Variants in TYRP1 observed in about 807,000 individuals in gnomAD.
The protein encoded by TYRP1 is 5,6-dihydroxyindole-2-carboxylic acid oxidase.
In TYRP1, 49 loss-of-function variants were observed where a neutral mutation model predicts 42.8. That is an observed-to-expected ratio of 1.14 (90% CI 0.91 to 1.45). The LOEUF (loss-of-function observed/expected upper bound fraction) is 1.45, where lower values mean the gene tolerates loss of function less well. Among genes scored for constraint, TYRP1 ranks in the 40% most tolerant of loss-of-function variants. TYRP1 has a pLI of 0.00. For missense variants in TYRP1, 848 were observed against 662.0 expected (o/e 1.28, Z -3.08); for synonymous variants, 279 against 235.4 (o/e 1.19, Z -1.69).
chr9:12,702,561 A>C (rs1818189273), intron 5 of TYRP1, 123 bp downstream of exon 5: 2 of 1,027,690 alleles, frequency 1.9e-6, no homozygotes, highest in African/African-American at 3.2e-5. Context: ...TATGTGAATG[A>C]GATTTTCTAT....
rs1165668650 is a variant in TYRP1 at position 12,698,398 on chromosome 9, A to C, written c.709-53A>C. 7.2e-6 allele frequency: 11 copies of C among 1,538,148 alleles called. No homozygotes were observed. In the East Asian group the frequency reaches 2.5e-4, roughly 35 times the overall value. On this transcript the variant is annotated intron_variant, in intron 3 of 7. Transcript: ENST00000388918. ...CTGTCAGAGAGTAGACCAAACAGAAATGAATAATTGTAAACAGAAGCAGAG... is the reference window on the plus strand; with the variant it reads ...CTGTCAGAGAGTAGACCAAACAGAACTGAATAATTGTAAACAGAAGCAGAG...
At chr9:12,696,686 A>G (rs545581705) in intron 3 of TYRP1, among the ~76,000 whole-genome samples, 1 of 152,298 alleles carries the variant, frequency 6.6e-6, no homozygotes, top group South Asian at 2.1e-4. Flanking sequence ...GTATCTAGTT[A>G]CGTAGATTCT....
intron 3 of TYRP1, 120 bp from the exon 4 acceptor site, chr9:12,698,331 T>C (rs1818109668): frequency 3.1e-6 from 3 of 981,666 alleles, no homozygotes; most frequent in Admixed American, 2.0e-5. Context: ...GTTGATATAC[T>C]AACCAGTACC....
rs774021172 is a variant in TYRP1, at chr9:12,694,289, C to G, written c.293C>G (p.Thr98Arg). The change falls in exon 2 of 8, where the codon ACA becomes AGA. Residue 98 changes from threonine (T) to arginine (R), a missense_variant. By Grantham distance (71) the Thr-to-Arg change is moderately conservative. Transcript: ENST00000388918. Reference sequence around the variant, plus strand: ...TGGCCCTTGCGCTTCTTCAATAGGACATGTCACTGCAACGGCAATTTCTCA... The same window carrying G: ...TGGCCCTTGCGCTTCTTCAATAGGAGATGTCACTGCAACGGCAATTTCTCA... ...EVWPLRFFNR[T>R]CHCNGNFSGH... 33 of 1,613,834 alleles carry G rather than the reference C, an allele frequency of 2.0e-5. No homozygotes were observed. The highest frequency in any genetic ancestry group is 2.6e-5 in the Non-Finnish European group (31 of 1,179,968).
intron 6 of TYRP1, among the ~76,000 whole-genome samples, chr9:12,705,378 TG>T (rs934572689): frequency 5.9e-5 from 9 of 152,082 alleles, no homozygotes; most frequent in Non-Finnish European, 1.2e-4. Context: ...TTTTGGCTTT[TG>T]TGCCTTTAGC....
chr9:12,708,027 CT>C lies in TYRP1; in HGVS notation c.1293del (p.Ile432LeufsTer47), dbSNP rs1818287916. Reference protein sequence around the residue: ...DISTFPLENAPIGHNRQYNMV... With the variant: ...DISTFPLENAXIGHNRQYNMV... ...TCCACATTTCCATTGGAAAATGCCC[CT>C]ATTGGACATAATAGACAATACAACA... On this transcript the variant is annotated frameshift_variant, in exon 7 of 8. Transcript: ENST00000388918. LOFTEE classifies it high-confidence loss of function. 1.9e-6 allele frequency: 3 copies of C among 1,612,370 alleles called. No individual in the cohort carries two copies. The highest frequency in any genetic ancestry group is 2.5e-6 in the Non-Finnish European group (3 of 1,179,020).
Position 12,709,214 on chromosome 9 carries a change from A to C in TYRP1, c.*32A>C. ...CCCTACTCTCTTATGCATTAGTATC[A>C]CAAAACCACCTGGTTGAATATAATA... On this transcript the variant is annotated 3_prime_UTR_variant, in exon 8 of 8. Transcript: ENST00000388918. 3 of 1,587,272 alleles carry C rather than the reference A, an allele frequency of 1.9e-6. No homozygotes were observed. Among genetic ancestry groups the C allele is most frequent in the Non-Finnish European group, 2.6e-6 (3 of 1,156,412 alleles).
Position 12,709,254 on chromosome 9 carries a change from CTG to C in TYRP1, c.*74_*75del. 1 of 1,414,120 alleles carries C rather than the reference CTG, an allele frequency of 7.1e-7. No individual in the cohort carries two copies. Among genetic ancestry groups the C allele is most frequent in the Non-Finnish European group, 1.0e-6 (1 of 1,002,912 alleles). The allele number at this position is 1,414,120 out of a possible 1,614,324, so 87.6% of individuals were successfully genotyped here. A position where few individuals can be genotyped will look rare whatever the true frequency, so the allele number is the denominator to read the frequency against. ...TGAATATAATAGATTGAGTTATTAA[CTG>C]TATTTTCTTTCACTTTATTACCTTC... On this transcript the variant is annotated 3_prime_UTR_variant, in exon 8 of 8. Transcript: ENST00000388918.
intron 7 of TYRP1, among the ~76,000 whole-genome samples, chr9:12,708,772 A>G (rs1478964259): frequency 1.3e-5 from 2 of 151,956 alleles, no homozygotes; most frequent in Non-Finnish European, 2.9e-5. Flanking sequence ...TCACTTTCAC[A>G]AAATGAAATG....
intron 6 of TYRP1, among the ~76,000 whole-genome samples, chr9:12,705,832 G>C (rs1818249185): frequency 6.7e-6 from 1 of 149,620 alleles, no homozygotes; most frequent in African/African-American, 2.5e-5. Flanking sequence ...GGCTGACAGA[G>C]ACAGAGTTAG....
intron 4 of TYRP1, among the ~76,000 whole-genome samples, chr9:12,699,488 A>C (rs1818131461): frequency 6.6e-6 from 1 of 151,954 alleles, no homozygotes; most frequent in Admixed American, 6.6e-5. Context: ...TTTTCTTATT[A>C]TAATCACCAC....
chr9:12,698,605 T>A lies in TYRP1; in HGVS notation c.863T>A (p.Val288Glu), dbSNP rs1374766659. 1 of 1,613,744 alleles carries A rather than the reference T, an allele frequency of 6.2e-7. No individual in the cohort carries two copies. Among genetic ancestry groups the A allele is most frequent in the East Asian group, 2.2e-5 (1 of 44,848 alleles). Residue 288 changes from valine (V) to glutamate (E), a missense_variant, in exon 4 of 8, where the codon GTG becomes GAG. Val to Glu is a moderately radical substitution (Grantham distance 121). Coordinates refer to ENST00000388918, the MANE Select transcript of TYRP1 (RefSeq NM_000550.3). ...AACTCTGTCTTTTCTCAATGGCGAGTGGTCTGTGACTCCTTGGAAGATTAT... is the reference window on the plus strand; with the variant it reads ...AACTCTGTCTTTTCTCAATGGCGAGAGGTCTGTGACTCCTTGGAAGATTAT... Reference protein sequence around the residue: ...SPNSVFSQWRVVCDSLEDYDT... With the variant: ...SPNSVFSQWREVCDSLEDYDT...
Position 12,709,298 on chromosome 9 carries a change from A to ATGTT in TYRP1, c.*117_*120dup, listed in dbSNP as rs886811586. 3.6e-5 allele frequency: 39 copies of ATGTT among 1,096,710 alleles called. No homozygotes were observed. The highest frequency in any genetic ancestry group is 3.4e-5 in the Non-Finnish European group (25 of 733,606). 67.9% of individuals were successfully genotyped at this position (1,096,710 alleles called of 1,614,324 possible). On this transcript the variant is annotated 3_prime_UTR_variant, in exon 8 of 8. Coordinates refer to ENST00000388918, the MANE Select transcript of TYRP1 (RefSeq NM_000550.3). ...ATTACCTTCTTTCTAATACAAGCAT[A>ATGTT]TGTTAGCATTAAAGTTCTAGGCATA...
intron 7 of TYRP1, 101 bp downstream of exon 7, chr9:12,708,244 T>C: frequency 2.1e-6 from 3 of 1,432,366 alleles, no homozygotes; most frequent in Non-Finnish European, 2.9e-6. Context: ...TGTTTTCCAT[T>C]TGGACTTGGA....
chr9:12,707,700 G>C (rs953770388), intron 6 of TYRP1: 2 of 296,462 alleles, frequency 6.7e-6, no homozygotes, highest in African/African-American at 4.4e-5. Context: ...TATTCAAATT[G>C]CTTTATGTAA....
In TYRP1 at chr9:12,695,639, G is replaced by T; in HGVS notation, c.510G>T (p.Leu170=). 1 of 1,614,124 alleles carries T rather than the reference G, an allele frequency of 6.2e-7. No homozygotes were observed. Among genetic ancestry groups the T allele is most frequent in the Non-Finnish European group, 8.5e-7 (1 of 1,180,022 alleles). Residue 170 remains leucine, a synonymous_variant, in exon 3 of 8, where the codon CTG becomes CTT. Transcript: ENST00000388918. ...VIATRRSEEI[L]GPDGNTPQFE... ...CCACCAGGAGATCAGAAGAAATACT[G>T]GGGCCAGATGGCAACACGCCACAAT...
intron 3 of TYRP1, among the ~76,000 whole-genome samples, chr9:12,697,699 A>G (rs1375553980): frequency 5.3e-5 from 8 of 152,168 alleles, no homozygotes; most frequent in Admixed American, 3.9e-4. Flanking sequence ...AACCGAATGA[A>G]ATAAGCATGT....
intron 2 of TYRP1, among the ~76,000 whole-genome samples, chr9:12,694,766 C>T (rs1271320600): frequency 1.3e-5 from 2 of 152,124 alleles, no homozygotes; most frequent in Non-Finnish European, 2.9e-5. Context: ...CTGAGATCTA[C>T]CTAGCCCTTA....
chr9:12,693,819 GGGTTCCATTTTGAAAGT>G, intron 1 of TYRP1, 76 bp from the exon 2 acceptor site: 1 of 697,904 alleles, frequency 1.4e-6, no homozygotes, highest in South Asian at 1.9e-5. Flanking sequence ...TTTTACATAT[GGGTTCCATTTTGAAAGT>G]GGTTTGGGAA....
Sources: gnomAD v4.1 joint callset for allele counts (sites outside exome capture counted in the v4.1 genomes callset) on GRCh38, gnomAD v4.1.1 for gene constraint, MANE v1.5 for transcripts, NCBI Gene and HGNC (gene_info 2026-07-23, HGNC 2026-07-21) for gene names.